PAPOLA: variants seen among roughly 807,000 people sequenced by gnomAD.
PAPOLA encodes the protein poly(A) polymerase alpha.
A neutral mutation model predicts 100.6 loss-of-function variants in PAPOLA; 15 were observed. The ratio of observed to expected loss-of-function variants is 0.15; its 90% confidence interval spans 0.10 to 0.23. PAPOLA has a LOEUF of 0.23. PAPOLA is among the 10% of genes least tolerant of loss of function. PAPOLA has a pLI of 1.00. For synonymous variants in PAPOLA, 293 were observed against 300.0 expected (o/e 0.98, Z 0.24); for missense variants, 533 against 884.2 (o/e 0.60, Z 5.04).
intron 2 of PAPOLA, 173 bp from the exon 3 acceptor site, chr14:96,520,833 A>G (rs755551494): frequency 2.6e-6 from 1 of 383,320 alleles, no homozygotes; most frequent in South Asian, 3.7e-5. Flanking sequence ...ATATATAGAA[A>G]GAGAGAGAGA....
In PAPOLA at chr14:96,565,461, TTTCAGC is replaced by T. The variant is rs1902200716; in HGVS notation, c.*414_*419del. The T allele has an allele frequency of 2.7e-6, 1 of 367,820 alleles. No individual in the cohort carries two copies. Among genetic ancestry groups the T allele is most frequent in the Non-Finnish European group, 4.9e-6 (1 of 205,522 alleles). 22.8% of individuals were successfully genotyped at this position (367,820 alleles called of 1,614,324 possible). A position where few individuals can be genotyped will look rare whatever the true frequency, so the allele number is the denominator to read the frequency against. On this transcript the variant is annotated 3_prime_UTR_variant, in exon 22 of 22. Coordinates refer to ENST00000216277, the MANE Select transcript of PAPOLA (RefSeq NM_032632.5). Reference sequence around the variant, plus strand: ...TTAGAAAGTAGAACTAATTTTAGATTTTCAGCTTGATGGATTTTCAGTTTTTCCTGA... The same window carrying T: ...TTAGAAAGTAGAACTAATTTTAGATTTTGATGGATTTTCAGTTTTTCCTGA...
intron 17 of PAPOLA, chr14:96,552,885 T>C (rs954187107): frequency 1.5e-5 from 6 of 403,604 alleles, no homozygotes; most frequent in South Asian, 9.2e-5. Flanking sequence ...TCCAAATTCA[T>C]GTATTTAGAT....
chr14:96,556,759 C>G (rs2140329510), intron 19 of PAPOLA, among the ~76,000 whole-genome samples: 1 of 152,096 alleles, frequency 6.6e-6, no homozygotes, highest in East Asian at 1.9e-4. Context: ...TTTTGATGGT[C>G]CTTTGGACAG....
At chr14:96,527,190 T>C in intron 4 of PAPOLA, 1 of 462,592 alleles carries the variant, frequency 2.2e-6, no homozygotes, top group Non-Finnish European at 3.8e-6. Flanking sequence ...CCATCTTTCT[T>C]TGGGCTCCCA....
intron 3 of PAPOLA, among the ~76,000 whole-genome samples, chr14:96,523,409 A>G (rs2140263416): frequency 6.6e-6 from 1 of 152,376 alleles, no homozygotes; most frequent in East Asian, 1.9e-4. Flanking sequence ...AAAAGTGATA[A>G]CAGTGACAGA....
At chr14:96,536,164 T>G (rs1254222483) in intron 11 of PAPOLA, among the ~76,000 whole-genome samples, 165 bp downstream of exon 11, 1 of 152,162 alleles carries the variant, frequency 6.6e-6, no homozygotes, top group Non-Finnish European at 1.5e-5. Flanking sequence ...TTCAAAAAAT[T>G]AATTCCTTTT....
chr14:96,502,479 A>G lies in PAPOLA; in HGVS notation c.-114A>G. ...GGGAGCGGTGCGGGAGAGGGGTTGG[A>G]CCCAGGGCTGAGGCAGGCCCCCCCC... On this transcript the variant is annotated 5_prime_UTR_variant, in exon 1 of 22. Transcript: ENST00000216277. The G allele has an allele frequency of 1.3e-6, 1 of 799,592 alleles. No homozygotes were observed. The allele number at this position is 799,592 out of a possible 1,614,324, so 49.5% of individuals were successfully genotyped here.
intron 15 of PAPOLA, among the ~76,000 whole-genome samples, chr14:96,547,203 A>G (rs1329916833): frequency 6.6e-6 from 1 of 152,116 alleles, no homozygotes; most frequent in African/African-American, 2.4e-5. Context: ...GGTGTTTCAT[A>G]AATATGTTTT....
chr14:96,531,843 CTG>C (rs1899047037), intron 7 of PAPOLA: 2 of 1,398,060 alleles, frequency 1.4e-6, no homozygotes, highest in Middle Eastern at 2.7e-4. Flanking sequence ...CTTTTGTACT[CTG>C]TTGCTAGTGA....
At chr14:96,519,745 A>T (rs1566838946) in intron 1 of PAPOLA, among the ~76,000 whole-genome samples, 1 of 152,190 alleles carries the variant, frequency 6.6e-6, no homozygotes, top group African/African-American at 2.4e-5. Flanking sequence ...TAAGAAACAG[A>T]TTTTGGCTTC....
chr14:96,512,117 T>C (rs1430540668), intron 1 of PAPOLA, among the ~76,000 whole-genome samples: 2 of 152,216 alleles, frequency 1.3e-5, no homozygotes, highest in African/African-American at 4.8e-5. Context: ...TAGTTGACTT[T>C]CAACTTTTGC....
intron 13 of PAPOLA, 103 bp from the exon 14 acceptor site, chr14:96,542,671 C>T (rs1244290653): frequency 1.8e-6 from 2 of 1,083,544 alleles, no homozygotes; most frequent in Admixed American, 2.7e-5. Flanking sequence ...CTGGTTTTAT[C>T]TGTGGGAGTT....
At chr14:96,553,933 T>G (rs1299819211) in intron 17 of PAPOLA, among the ~76,000 whole-genome samples, 1 of 152,210 alleles carries the variant, frequency 6.6e-6, no homozygotes, top group Non-Finnish European at 1.5e-5. Flanking sequence ...ACTTCATGTG[T>G]ATATGTTTTT....
intron 10 of PAPOLA, chr14:96,535,053 A>G: frequency 1.0e-6 from 1 of 980,746 alleles, no homozygotes; most frequent in Non-Finnish European, 1.2e-6. Flanking sequence ...TAGAGATTAT[A>G]AAAACATGGT....
chr14:96,559,016 ATT>A (rs753986932), intron 19 of PAPOLA, among the ~76,000 whole-genome samples: 65 of 131,164 alleles, frequency 5.0e-4, no homozygotes, highest in Admixed American at 5.3e-4. Flanking sequence ...TTTCCCTGTA[ATT>A]TTTTTTTTTT....
Position 96,561,397 on chromosome 14 carries a change from T to C in PAPOLA, c.2067+686T>C, listed in dbSNP as rs530666104. Among the ~76,000 whole-genome samples, 4 of 152,332 alleles carry C rather than the reference T, an allele frequency of 2.6e-5. No homozygotes were observed. In the East Asian group the frequency reaches 7.7e-4, roughly 29 times the overall value. On this transcript the variant is annotated intron_variant, in intron 20 of 21. Transcript: ENST00000216277. ...TGATGGATATTTTAACAAAACTCTC[T>C]TAGGTTTTGTGTGTGCCCTCATAAT...
intron 12 of PAPOLA, chr14:96,537,791 T>TA (rs1899661865): frequency 6.6e-6 from 1 of 151,988 alleles, no homozygotes; most frequent in African/African-American, 2.4e-5. Flanking sequence ...ATTTTTTTTT[T>TA]AATGCTTGAA....
At chr14:96,509,504 A>G (rs1311131748) in intron 1 of PAPOLA, among the ~76,000 whole-genome samples, 2 of 152,258 alleles carry the variant, frequency 1.3e-5, no homozygotes, top group East Asian at 3.8e-4. Context: ...AACATACTAT[A>G]GAACCTGAGA....
intron 12 of PAPOLA, 125 bp from the exon 13 acceptor site, chr14:96,542,118 A>G (rs1431465224): frequency 2.2e-5 from 12 of 537,142 alleles, no homozygotes; most frequent in East Asian, 6.1e-5. Context: ...GCATATTGAG[A>G]TTGTAGTCCC....
Sources: gnomAD v4.1 joint callset for allele counts (sites outside exome capture counted in the v4.1 genomes callset) on GRCh38, gnomAD v4.1.1 for gene constraint, MANE v1.5 for transcripts, NCBI Gene and HGNC (gene_info 2026-07-23, HGNC 2026-07-21) for gene names.